The following ACADVL variants were observed in gnomAD, a reference collection of about 807,000 sequenced individuals.
The protein encoded by ACADVL is very long-chain acyl-CoA dehydrogenase, mitochondrial.
Under a neutral mutation model 80.4 loss-of-function variants are expected in ACADVL, and 73 were observed. The observed-to-expected ratio is 0.91, with a 90% CI of 0.75 to 1.10. The LOEUF (loss-of-function observed/expected upper bound fraction) is 1.10, where lower values mean the gene tolerates loss of function less well. ACADVL is among the 50% of genes least tolerant of loss of function. ACADVL has a pLI of 0.00. For missense variants in ACADVL, 878 were observed against 858.9 expected (o/e 1.02, Z -0.28); for synonymous variants, 392 against 326.5 (o/e 1.20, Z -2.16).
At chr17:7,218,297 A>C (rs776098003), upstream of ACADVL, 5 of 1,606,022 alleles carry the variant, frequency 3.1e-6, no homozygotes, top group Non-Finnish European at 4.3e-6. Context: ...ACAGGAACAG[A>C]ACTGAGTTAC....
chr17:7,219,230 G>A, upstream of ACADVL: 1 of 348,622 alleles, frequency 2.9e-6, no homozygotes, highest in Non-Finnish European at 4.6e-6. Flanking sequence ...AGAAGTTGGG[G>A]TTTTACGGGT....
At position 7,225,199 on chromosome 17, in the gene ACADVL, TC is replaced by T; in HGVS notation, c.*105del. 1.4e-5 allele frequency: 22 copies of T among 1,525,920 alleles called. No individual in the cohort carries two copies. In the South Asian group the frequency reaches 2.4e-4, roughly 16 times the overall value. The allele number at this position is 1,525,920 out of a possible 1,614,324, so 94.5% of individuals were successfully genotyped here. Reference sequence around the variant, plus strand: ...GGTTTGTCCCGAAGGGGCCTAGTGTTCCCAGCACTGTGCCTGCTCTCAAGAG... The same window carrying T: ...GGTTTGTCCCGAAGGGGCCTAGTGTTCCAGCACTGTGCCTGCTCTCAAGAG... On this transcript the variant is annotated 3_prime_UTR_variant, in exon 20 of 20. Transcript: ENST00000356839.
In ACADVL at chr17:7,222,670, G is replaced by A. The variant is rs1314252710; in HGVS notation, c.882G>A (p.Gly294=). Residue 294 remains glycine, a synonymous_variant, in exon 10 of 20, where the codon GGG becomes GGA. Coordinates refer to ENST00000356839, the MANE Select transcript of ACADVL (RefSeq NM_000018.4). ...VERGFGGITH[G]PPEKKMGIKA... ...TTCCCACACTGCCCTGACACAGTGG[G>A]CCCCCTGAGAAGAAGATGGGCATCA... is the stretch of plus-strand genomic sequence containing the variant. 1 of 1,613,274 alleles carries A rather than the reference G, an allele frequency of 6.2e-7. No individual in the cohort carries two copies. The highest frequency in any genetic ancestry group is 1.3e-5 in the African/African-American group (1 of 74,860).
rs749147508 is a variant in ACADVL at position 7,224,840 on chromosome 17, A to G, written c.1783A>G (p.Thr595Ala). 4 of 1,613,854 alleles carry G rather than the reference A, an allele frequency of 2.5e-6. No individual in the cohort carries two copies. In the East Asian group the frequency reaches 8.9e-5, roughly 36 times the overall value. The change falls in exon 19 of 20, where the codon ACG becomes GCG. Residue 595 changes from threonine to alanine, a missense_variant. Thr to Ala is a moderately conservative substitution (Grantham distance 58, BLOSUM62 0). Transcript: ENST00000356839. ...ASRSLSEGHPTAQHEKMLCDT... is the reference protein window; with the variant it reads ...ASRSLSEGHPAAQHEKMLCDT... ...AAGATCCCTGAGTGAGGGCCACCCC[A>G]CGGCCCAGCATGAGAAAATGCTCTG...
Position 7,225,002 on chromosome 17 carries a change from C to G in ACADVL, c.1873C>G (p.Pro625Ala), listed in dbSNP as rs377044444. The G allele has an allele frequency of 1.8e-5, 29 of 1,613,992 alleles. No individual in the cohort carries two copies. The African/African-American group carries it at 3.9e-4, about 22-fold the overall frequency. Residue 625 changes from proline (P) to alanine (A), a missense_variant, in exon 20 of 20, where the codon CCC becomes GCC. Physicochemically the swap from Pro to Ala is conservative, Grantham distance 27. Transcript: ENST00000356839. ...GGGCATGGCCGCCCTGCAGTCTGAC[C>G]CCTGGCAGCAAGAGCTCTACCGCAA... Reference protein sequence around the residue: ...REGMAALQSDPWQQELYRNFK... With the variant: ...REGMAALQSDAWQQELYRNFK...
rs1156950836 is a variant in ACADVL, at chr17:7,220,171, C to A, written c.112C>A (p.Arg38=). The A allele has an allele frequency of 6.5e-7, 1 of 1,536,838 alleles. No homozygotes were observed. The highest frequency in any genetic ancestry group is 1.2e-5 in the South Asian group (1 of 84,308). ...GCAGCCCCGGCCCGGCCCTGCCCGG[C>A]GGCCCTATGCCGGGGGTGCCGCTCA... ...LGQPRPGPAR[R]PYAGGAAQLA... The change falls in exon 2 of 20, where the codon CGG becomes AGG. Residue 38 remains arginine, a synonymous_variant. Coordinates refer to ENST00000356839, the MANE Select transcript of ACADVL (RefSeq NM_000018.4).
At chr17:7,218,313 C>A (rs774410440), upstream of ACADVL, 1 of 1,595,994 alleles carries the variant, frequency 6.3e-7, no homozygotes, top group South Asian at 1.1e-5. Context: ...GTTACCTCCC[C>A]ACCCCAGGCC....
In ACADVL at chr17:7,223,138, T is replaced by C. The variant is rs770917473; in HGVS notation, c.1083T>C (p.Asp361=). The C allele has an allele frequency of 8.7e-6, 14 of 1,612,810 alleles. No homozygotes were observed. The East Asian group carries it at 2.7e-4, about 31-fold the overall frequency. The part of the protein sequence containing the change: ...TMRGIIAKAV[D]HATNRTQFGE... ...ATGTGTGGACCCTCTTCCAGGTAGA[T>C]CATGCCACTAATCGTACCCAGTTTG... The change falls in exon 11 of 20, where the codon GAT becomes GAC. Residue 361 remains aspartate, a synonymous_variant. Coordinates refer to ENST00000356839, the MANE Select transcript of ACADVL (RefSeq NM_000018.4).
intron 11 of ACADVL, 48 bp downstream of exon 11, chr17:7,223,285 C>T: frequency 6.5e-7 from 1 of 1,538,202 alleles, no homozygotes; most frequent in Non-Finnish European, 9.0e-7. Flanking sequence ...GGCTTTCTTC[C>T]CAGTCGGGTC....
At chr17:7,218,257 G>C (rs765908419), upstream of ACADVL, 1 of 1,609,990 alleles carries the variant, frequency 6.2e-7, no homozygotes, top group Admixed American at 1.7e-5. Flanking sequence ...CTCTGAGAGG[G>C]AAGCCTCATA....
upstream of ACADVL, chr17:7,219,104 A>G: frequency 5.3e-6 from 3 of 562,878 alleles, no homozygotes; most frequent in Non-Finnish European, 3.1e-6. Context: ...AGAGGGCTCC[A>G]GCAGCTCAAA....
chr17:7,222,310 A>C lies in ACADVL; in HGVS notation c.878+8A>C, dbSNP rs910644475. 2 of 1,613,234 alleles carry C rather than the reference A, an allele frequency of 1.2e-6. No homozygotes were observed. Among genetic ancestry groups the C allele is most frequent in the African/African-American group, 2.7e-5 (2 of 74,818 alleles). ...CTTCGGGGGCATTACCCAGTGAGTG[A>C]ATTTGGGTTGGGGGAGCTTAGGACT... On this transcript the variant is annotated splice_region_variant and intron_variant, in intron 9 of 19. Coordinates refer to ENST00000356839, the MANE Select transcript of ACADVL (RefSeq NM_000018.4).
At chr17:7,219,405 A>T, upstream of ACADVL, 1 of 1,015,100 alleles carries the variant, frequency 9.9e-7, no homozygotes, top group Non-Finnish European at 1.2e-6. Context: ...GGGTCTTCCT[A>T]CTGTGAAACT....
Position 7,224,826 on chromosome 17 carries a change from G to T in ACADVL, c.1769G>T (p.Ser590Ile), listed in dbSNP as rs1368608793. Residue 590 changes from serine to isoleucine, a missense_variant, in exon 19 of 20, where the codon AGT (serine) becomes ATT (isoleucine). Coordinates refer to ENST00000356839, the MANE Select transcript of ACADVL (RefSeq NM_000018.4). ...CCTGCCAGGGCCTCAAGATCCCTGA[G>T]TGAGGGCCACCCCACGGCCCAGCAT... Reference protein sequence around the residue: ...VVLSRASRSLSEGHPTAQHEK... With the variant: ...VVLSRASRSLIEGHPTAQHEK... The T allele has an allele frequency of 5.0e-6, 8 of 1,613,860 alleles. No homozygotes were observed. Among genetic ancestry groups the T allele is most frequent in the Non-Finnish European group, 6.8e-6 (8 of 1,180,010 alleles).
At chr17:7,221,147 A>C in intron 6 of ACADVL, 89 bp downstream of exon 6, 1 of 1,600,474 alleles carries the variant, frequency 6.2e-7, no homozygotes, top group Non-Finnish European at 8.5e-7. Flanking sequence ...GACTAGGGCT[A>C]AGGTCTCTTC....
chr17:7,220,908 C>G lies in ACADVL; in HGVS notation c.343-16C>G. On this transcript the variant is annotated splice_polypyrimidine_tract_variant and intron_variant, in intron 5 of 19. Transcript: ENST00000356839. ...CTCAAAAGGAGCCTGGATGTGGGATCCTGTGCCTTCCCCAGGAAGTGAACG... is the reference window on the plus strand; with the variant it reads ...CTCAAAAGGAGCCTGGATGTGGGATGCTGTGCCTTCCCCAGGAAGTGAACG... The G allele has an allele frequency of 6.2e-7, 1 of 1,614,052 alleles. No homozygotes were observed. The highest frequency in any genetic ancestry group is 8.5e-7 in the Non-Finnish European group (1 of 1,180,020).
intron 2 of ACADVL, 87 bp downstream of exon 2, chr17:7,220,284 C>G: frequency 6.7e-7 from 1 of 1,499,030 alleles, no homozygotes; most frequent in Non-Finnish European, 9.0e-7. Context: ...CTCTTGGTGC[C>G]AGGTACCTGC....
upstream of ACADVL, chr17:7,219,648 A>T: frequency 7.9e-7 from 1 of 1,258,518 alleles, no homozygotes; most frequent in South Asian, 1.8e-5. Flanking sequence ...CCCTCCCTTC[A>T]GTCCACCTCC....
intron 1 of ACADVL, 30 bp from the exon 2 acceptor site, chr17:7,220,092 G>T (rs1171511172): frequency 6.3e-7 from 1 of 1,592,204 alleles, no homozygotes; most frequent in Admixed American, 1.7e-5. Flanking sequence ...CCTGGGCACC[G>T]GGCCGGCACT....
Sources: gnomAD v4.1 joint callset for allele counts on GRCh38, gnomAD v4.1.1 for gene constraint, MANE v1.5 for transcripts, NCBI Gene and HGNC (gene_info 2026-07-23, HGNC 2026-07-21) for gene names.